ACOT1: variants seen among roughly 807,000 people sequenced by gnomAD.
ACOT1 encodes the protein acyl-CoA thioesterase 1, also known as acyl-coenzyme A thioesterase 1.
ACOT1 carries 8 observed loss-of-function variants against 15.7 expected under a neutral mutation model. The ratio of observed to expected loss-of-function variants is 0.51; its 90% CI spans 0.30 to 0.92. ACOT1 has a LOEUF of 0.92. Ranked by LOEUF, ACOT1 falls within the 40% of genes least tolerant of loss-of-function variation. The pLI is 0.06. For missense variants in ACOT1, 151 were observed against 539.4 expected (o/e 0.28, Z 7.13); for synonymous variants, 67 against 241.2 (o/e 0.28, Z 6.69).
the ACOT1 span, chr14:73,503,068 CT>C: frequency 7.2e-7 from 1 of 1,384,456 alleles, no homozygotes; most frequent in East Asian, 2.3e-5. Flanking sequence ...TAATTTTGTG[CT>C]TGGCGTTGTG....
Position 73,537,607 on chromosome 14 carries a change from G to A in ACOT1, c.186G>A (p.Leu62=), listed in dbSNP as rs758317540. 3 of 1,218,986 alleles carry A rather than the reference G, an allele frequency of 2.5e-6. 1 individual carries two copies. In the African/African-American group the frequency reaches 4.8e-5, roughly 19 times the overall value. The allele number at this position is 1,218,986 out of a possible 1,614,324, so 75.5% of individuals were successfully genotyped here. ...YRADTLGELD[L]ERAPALGGSF... ...CCGACACCCTTGGCGAGCTGGACCT[G>A]GAGCGCGCGCCCGCGCTGGGCGGCA... Residue 62 remains leucine (L), a synonymous_variant, in exon 1 of 3, where the codon CTG becomes CTA. Coordinates refer to ENST00000311148, the MANE Select transcript of ACOT1 (RefSeq NM_001037161.2).
chr14:73,527,711 C>T, the ACOT1 span, among the ~76,000 whole-genome samples: 1 of 151,990 alleles, frequency 6.6e-6, no homozygotes, highest in African/African-American at 2.4e-5. Context: ...GGCAGGATGG[C>T]TCATGCCTGT....
At chr14:73,494,186 T>C in the ACOT1 span, among the ~76,000 whole-genome samples, 1 of 152,210 alleles carries the variant, frequency 6.6e-6, no homozygotes, top group Admixed American at 6.5e-5. Flanking sequence ...GACAAGTGAA[T>C]ATTCTCATGG....
At chr14:73,492,538 C>G in the ACOT1 span, 1 of 1,613,612 alleles carries the variant, frequency 6.2e-7, no homozygotes, top group Admixed American at 1.7e-5. This position sits in a 1 kb window ranked among gnomAD's most constrained non-coding sequence, Gnocchi z 4.9. Context: ...ACTTCATTCA[C>G]GATTCTCTGC....
chr14:73,492,340 G>T, the ACOT1 span: 1 of 1,613,976 alleles, frequency 6.2e-7, no homozygotes, highest in Non-Finnish European at 8.5e-7. The surrounding 1 kb of genome is among the most constrained non-coding windows in gnomAD (Gnocchi z 4.9). Context: ...TGGCAGTGCA[G>T]GCTGCAATGG....
chr14:73,507,696 A>G, the ACOT1 span, among the ~76,000 whole-genome samples: 1 of 151,944 alleles, frequency 6.6e-6, no homozygotes, highest in Non-Finnish European at 1.5e-5. Context: ...TCAGCCTCCC[A>G]AAGTGCTGGG....
the ACOT1 span, chr14:73,498,226 T>C: frequency 6.2e-7 from 1 of 1,614,014 alleles, no homozygotes; most frequent in Non-Finnish European, 8.5e-7. Flanking sequence ...CCCCTTGAAG[T>C]TTCAGGGCTA....
Position 73,541,512 on chromosome 14 carries a change from C to A in ACOT1, c.477C>A (p.Gly159=), listed in dbSNP as rs201966235. The A allele has an allele frequency of 8.1e-7, 1 of 1,236,416 alleles. No individual in the cohort carries two copies. Among genetic ancestry groups the A allele is most frequent in the African/African-American group, 1.7e-5 (1 of 57,852 alleles). 76.6% of individuals were successfully genotyped at this position (1,236,416 alleles called of 1,614,324 possible). A position where few individuals can be genotyped will look rare whatever the true frequency, so the allele number is the denominator to read the frequency against. Residue 159 remains glycine (G), a synonymous_variant, in exon 2 of 3, where the codon GGC becomes GGA. Transcript: ENST00000311148. ...FLPPEPGPFP[G]IVDMFGTGGG... ...CCCAAGAACCTGGGCCCTTTCCTGG[C>A]ATTGTGGACATGTTCGGAACTGGAG...
the ACOT1 span, among the ~76,000 whole-genome samples, chr14:73,523,971 C>T: frequency 1.3e-5 from 2 of 152,040 alleles, no homozygotes; most frequent in African/African-American, 4.8e-5. Context: ...ACACCTATTG[C>T]TACATAGTTT....
the ACOT1 span, chr14:73,496,678 C>G: frequency 6.4e-7 from 1 of 1,553,516 alleles, no homozygotes; most frequent in Non-Finnish European, 8.9e-7. Context: ...TGGTACATTT[C>G]TCTGAAAGAT....
At chr14:73,493,050 G>T in the ACOT1 span, 1 of 1,598,236 alleles carries the variant, frequency 6.3e-7, no homozygotes. Context: ...ATAAGCATCA[G>T]TGTGCTCACA....
At chr14:73,493,164 A>C in the ACOT1 span, 1 of 1,554,012 alleles carries the variant, frequency 6.4e-7, no homozygotes, top group East Asian at 2.2e-5. Flanking sequence ...AGGTGGAAAA[A>C]AAACCCTTGA....
the ACOT1 span, chr14:73,517,321 G>A: frequency 6.6e-6 from 1 of 152,154 alleles, no homozygotes; most frequent in Non-Finnish European, 1.5e-5. Flanking sequence ...TCATCAAATT[G>A]TATGGTTTAA....
At chr14:73,508,830 GA>G in the ACOT1 span, among the ~76,000 whole-genome samples, 1 of 149,650 alleles carries the variant, frequency 6.7e-6, no homozygotes, top group Non-Finnish European at 1.5e-5. Context: ...AAAGTACCTA[GA>G]AAGAGCAAAT....
the ACOT1 span, among the ~76,000 whole-genome samples, chr14:73,531,543 C>G: frequency 9.3e-6 from 1 of 107,132 alleles, no homozygotes; most frequent in Non-Finnish European, 2.0e-5. Flanking sequence ...GTCTCAGCCT[C>G]CCATTACAGG....
chr14:73,537,355 T>G lies in ACOT1; in HGVS notation c.-67T>G. 1 of 1,181,240 alleles carries G rather than the reference T, an allele frequency of 8.5e-7. No homozygotes were observed. 73.2% of individuals were successfully genotyped at this position (1,181,240 alleles called of 1,614,324 possible). ...TGCGACGGCAGCCCGAGAGGAAGAG[T>G]TGGGCAGAGTTGCAGGGGTCTCCAC... On this transcript the variant is annotated 5_prime_UTR_variant, in exon 1 of 3. Transcript: ENST00000311148.
At chr14:73,491,832 G>A in the ACOT1 span, 1 of 1,607,764 alleles carries the variant, frequency 6.2e-7, no homozygotes, top group Non-Finnish European at 8.5e-7. Flanking sequence ...AACGGACGAC[G>A]CGAGACCCTG....
At chr14:73,491,353 G>GC in the ACOT1 span, 1 of 1,432,484 alleles carries the variant, frequency 7.0e-7, no homozygotes, top group Non-Finnish European at 9.1e-7. Flanking sequence ...CGCCCGCCGC[G>GC]CGCTCCCTGC....
chr14:73,512,415 A>G, the ACOT1 span, among the ~76,000 whole-genome samples: 2 of 152,170 alleles, frequency 1.3e-5, no homozygotes, highest in African/African-American at 2.4e-5. Context: ...CGTTGTAACC[A>G]TCTGGGAAAT....
Sources: gnomAD v4.1 joint callset for allele counts (sites outside exome capture counted in the v4.1 genomes callset) on GRCh38, gnomAD v4.1.1 for gene constraint, Gnocchi (gnomAD v3.1) non-coding constraint, MANE v1.5 for transcripts, NCBI Gene and HGNC (gene_info 2026-07-23, HGNC 2026-07-21) for gene names.